The following JAM3 variants were observed in gnomAD, a reference collection of about 807,000 sequenced individuals.
JAM3 encodes junctional adhesion molecule 3.
JAM3 carries 31 observed loss-of-function variants against 39.4 expected under a neutral mutation model. That is an observed-to-expected ratio of 0.79 (90% CI 0.59 to 1.06). The LOEUF is 1.06. Ranked by LOEUF, JAM3 falls within the 50% of genes least tolerant of loss-of-function variation. The pLI is 0.00. For synonymous variants in JAM3, 182 were observed against 148.7 expected, an observed-to-expected ratio of 1.22 and a Z score of -1.63; for missense variants, 455 against 391.4, an observed-to-expected ratio of 1.16 and a Z score of -1.37.
chr11:134,088,174 T>C (rs1941775664), intron 1 of JAM3, among the ~76,000 whole-genome samples: 1 of 152,230 alleles, frequency 6.6e-6, no homozygotes, highest in African/African-American at 2.4e-5. Flanking sequence ...AACCCATTTA[T>C]CCAGCTTTCC....
intron 1 of JAM3, among the ~76,000 whole-genome samples, chr11:134,069,566 G>A (rs941949416): frequency 6.6e-6 from 1 of 151,760 alleles, no homozygotes; most frequent in African/African-American, 2.4e-5. Context: ...TCCCCCGGGT[G>A]GGCTCCTCCC....
chr11:134,110,632 G>A (rs773618750), intron 1 of JAM3, among the ~76,000 whole-genome samples: 7 of 152,098 alleles, frequency 4.6e-5, no homozygotes, highest in Non-Finnish European at 7.3e-5. Context: ...CTGGGGACAG[G>A]GCAGATGGGG....
intron 1 of JAM3, among the ~76,000 whole-genome samples, chr11:134,108,063 A>C (rs1175614381): frequency 6.6e-6 from 1 of 152,062 alleles, no homozygotes; most frequent in African/African-American, 2.4e-5. Flanking sequence ...CTACTAGACT[A>C]ATTGGGAACA....
At chr11:134,095,806 T>C (rs1336355158) in intron 1 of JAM3, among the ~76,000 whole-genome samples, 1 of 152,088 alleles carries the variant, frequency 6.6e-6, no homozygotes, top group Non-Finnish European at 1.5e-5. Context: ...AGAAACTGAG[T>C]ATACCAGACA....
In JAM3 at chr11:134,088,696, A is replaced by G. The variant is rs372523564; in HGVS notation, c.76+19537A>G. 1.0e-3 allele frequency among the ~76,000 whole-genome samples: 156 copies of G among 152,276 alleles called. 3 individuals are homozygous for G. The South Asian group carries it at 0.032, about 32-fold the overall frequency. On this transcript the variant is annotated intron_variant, in intron 1 of 8. Coordinates refer to ENST00000299106, the MANE Select transcript of JAM3 (RefSeq NM_032801.5). ...AGTTTTAAGACACGGATTTGTGAAT[A>G]TGTCATTGCCACAAAGACAGTAAAA...
chr11:134,125,480 AT>A (rs1177954810), intron 1 of JAM3, among the ~76,000 whole-genome samples: 1 of 152,156 alleles, frequency 6.6e-6, no homozygotes, highest in Non-Finnish European at 1.5e-5. Flanking sequence ...AGATTTTAAT[AT>A]TGTATTTCTT....
intron 1 of JAM3, among the ~76,000 whole-genome samples, chr11:134,090,231 A>C (rs1409423359): frequency 6.6e-6 from 1 of 152,214 alleles, no homozygotes; most frequent in African/African-American, 2.4e-5. Flanking sequence ...GTAGATTGCA[A>C]AAATTTTCTC....
intron 1 of JAM3, among the ~76,000 whole-genome samples, chr11:134,115,357 C>A (rs775231503): frequency 2.0e-5 from 3 of 152,032 alleles, no homozygotes; most frequent in Admixed American, 2.0e-4. Context: ...ATTTACATTG[C>A]GTTTACTGAT....
chr11:134,120,052 C>G (rs1275253965), intron 1 of JAM3, among the ~76,000 whole-genome samples: 1 of 151,934 alleles, frequency 6.6e-6, no homozygotes, highest in Non-Finnish European at 1.5e-5. Flanking sequence ...ACCTCCCACC[C>G]CCCATTTTCT....
At chr11:134,147,908 G>A (rs572455996) in intron 6 of JAM3, 1 of 154,218 alleles carries the variant, frequency 6.5e-6, no homozygotes, top group African/African-American at 2.4e-5. Context: ...AGTTTTCCAT[G>A]TGTCGCTTGC....
chr11:134,120,959 A>C (rs1942519893), intron 1 of JAM3, among the ~76,000 whole-genome samples: 3 of 152,242 alleles, frequency 2.0e-5, no homozygotes, highest in South Asian at 4.1e-4. Context: ...TAGTACAGGA[A>C]AGCAGGCGTC....
chr11:134,073,786 C>CT (rs1739817690), intron 1 of JAM3, among the ~76,000 whole-genome samples: 1 of 152,138 alleles, frequency 6.6e-6, no homozygotes, highest in African/African-American at 2.4e-5. Flanking sequence ...TTTTTTGTAT[C>CT]TTTCCAGAGG....
At chr11:134,103,086 GA>G (rs961473920) in intron 1 of JAM3, among the ~76,000 whole-genome samples, 93 of 152,108 alleles carry the variant, frequency 6.1e-4, no homozygotes, top group Non-Finnish European at 1.1e-3. Flanking sequence ...TGAAATGAAG[GA>G]AAAAATGTTA....
intron 6 of JAM3, among the ~76,000 whole-genome samples, chr11:134,146,928 C>G (rs1294945460): frequency 3.9e-5 from 6 of 152,158 alleles, no homozygotes; most frequent in Admixed American, 3.9e-4. Context: ...GCAGCATTTT[C>G]CAAAACTGCC....
At chr11:134,115,333 G>A (rs1345505670) in intron 1 of JAM3, among the ~76,000 whole-genome samples, 1 of 151,946 alleles carries the variant, frequency 6.6e-6, no homozygotes, top group African/African-American at 2.4e-5. Flanking sequence ...CCATTTAATT[G>A]GGATGTTTAG....
In JAM3 at chr11:134,098,925, G is replaced by A. The variant is rs180800440; in HGVS notation, c.76+29766G>A. ...CATTTAAATGCAACTAGGGAGAGGC[G>A]TGGTGGCTCACCACCTGTAGTCCCA... On this transcript the variant is annotated intron_variant, in intron 1 of 8. Transcript: ENST00000299106. Among the ~76,000 whole-genome samples the A allele has an allele frequency of 2.5e-4, 38 of 152,278 alleles. No individual in the cohort carries two copies. The East Asian group carries it at 5.2e-3, about 21-fold the overall frequency.
At chr11:134,108,508 A>C (rs748012174) in intron 1 of JAM3, among the ~76,000 whole-genome samples, 4 of 152,252 alleles carry the variant, frequency 2.6e-5, no homozygotes, top group Non-Finnish European at 5.9e-5. Flanking sequence ...CCTCGTGAAC[A>C]TAGATGCAAA....
chr11:134,137,398 A>G (rs1235309803), intron 1 of JAM3, among the ~76,000 whole-genome samples: 3 of 152,140 alleles, frequency 2.0e-5, no homozygotes, highest in African/African-American at 7.2e-5. Context: ...ATGTACTTCT[A>G]TTTCTCTAGA....
At chr11:134,121,777 C>T (rs1205730053) in intron 1 of JAM3, among the ~76,000 whole-genome samples, 2 of 151,930 alleles carry the variant, frequency 1.3e-5, no homozygotes, top group East Asian at 1.9e-4. Flanking sequence ...ATTTTCCTAA[C>T]TTGGGCAGGC....
Sources: allele counts gnomAD v4.1 joint callset (sites outside exome capture counted in the v4.1 genomes callset), GRCh38; gene constraint gnomAD v4.1.1; transcripts MANE v1.5; gene names NCBI Gene and HGNC (gene_info 2026-07-23, HGNC 2026-07-21).